Variants in MBD5 observed in about 807,000 individuals in gnomAD.
MBD5 encodes methyl-CpG binding domain protein 5.
A neutral mutation model predicts 117.3 loss-of-function variants in MBD5; 13 were observed. That is an observed-to-expected ratio of 0.11 (90% CI 0.07 to 0.18). The LOEUF is 0.18. MBD5 is among the 10% of genes least tolerant of loss of function. The pLI is 1.00. For missense variants in MBD5, 1,879 were observed against 2,093.8 expected (o/e 0.90, Z 2.00); for synonymous variants, 727 against 766.4 (o/e 0.95, Z 0.85).
At chr2:148,215,531 G>T (rs1699529584) in intron 2 of MBD5, among the ~76,000 whole-genome samples, 1 of 151,888 alleles carries the variant, frequency 6.6e-6, no homozygotes, top group Non-Finnish European at 1.5e-5. Context: ...TGAGTGGGCA[G>T]GTTGTGGGCG....
At chr2:148,415,461 T>C (rs1011370874) in intron 4 of MBD5, among the ~76,000 whole-genome samples, 5 of 152,092 alleles carry the variant, frequency 3.3e-5, no homozygotes, top group Non-Finnish European at 5.9e-5. Context: ...TCATCTTGTA[T>C]AGTGTCTTGC....
intron 4 of MBD5, among the ~76,000 whole-genome samples, chr2:148,452,415 G>A (rs1706755336): frequency 6.6e-6 from 1 of 152,076 alleles, no homozygotes; most frequent in East Asian, 1.9e-4. Flanking sequence ...CAGGAGGATA[G>A]CTTGAGCCCG....
At chr2:148,346,786 A>C (rs980931057) in intron 4 of MBD5, 1 of 151,510 alleles carries the variant, frequency 6.6e-6, no homozygotes, top group Non-Finnish European at 1.5e-5. Flanking sequence ...TGTGTGCTTT[A>C]TTTTTGTTAT....
chr2:148,097,255 C>A (rs1053066234), intron 1 of MBD5, among the ~76,000 whole-genome samples: 1 of 152,130 alleles, frequency 6.6e-6, no homozygotes, highest in African/African-American at 2.4e-5. Context: ...CTTATAAATT[C>A]AAAGTGGTGG....
intron 13 of MBD5, among the ~76,000 whole-genome samples, chr2:148,511,456 G>A (rs1177094407): frequency 6.6e-6 from 1 of 152,250 alleles, no homozygotes; most frequent in Non-Finnish European, 1.5e-5. Context: ...TGGGAGTCAT[G>A]TGCTCTCTCC....
intron 1 of MBD5, among the ~76,000 whole-genome samples, chr2:148,072,571 C>A (rs529444115): frequency 6.6e-6 from 1 of 152,028 alleles, no homozygotes; most frequent in Non-Finnish European, 1.5e-5. Flanking sequence ...TTTGATTCAG[C>A]GGTAAATTGA....
chr2:148,104,217 T>A (rs1353264488), intron 1 of MBD5, among the ~76,000 whole-genome samples: 5 of 152,172 alleles, frequency 3.3e-5, no homozygotes, highest in African/African-American at 1.2e-4. Flanking sequence ...CTGTTTGTTG[T>A]AAGCTGACTG....
chr2:148,091,847 CAGA>C (rs938647372), intron 1 of MBD5, among the ~76,000 whole-genome samples: 6 of 152,064 alleles, frequency 3.9e-5, no homozygotes, highest in South Asian at 2.1e-4. Context: ...TTCTGCACAG[CAGA>C]AGAAGTAATT....
intron 4 of MBD5, among the ~76,000 whole-genome samples, chr2:148,450,781 A>ATTTTG (rs1401996277): frequency 6.6e-6 from 1 of 152,180 alleles, no homozygotes; most frequent in African/African-American, 2.4e-5. Context: ...AGGAACTGCA[A>ATTTTG]TTTTGTGGCA....
At chr2:148,481,378 C>CA (rs1681148339) in intron 8 of MBD5, among the ~76,000 whole-genome samples, 1 of 152,044 alleles carries the variant, frequency 6.6e-6, no homozygotes. Flanking sequence ...ACTATGGAAA[C>CA]ATTTCTGTGT....
At chr2:148,108,419 C>A in intron 1 of MBD5, among the ~76,000 whole-genome samples, 1 of 151,692 alleles carries the variant, frequency 6.6e-6, no homozygotes, top group East Asian at 1.9e-4. Context: ...TAAATGTTTG[C>A]TACTGTTATT....
At chr2:148,136,378 G>T (rs1450002912) in intron 1 of MBD5, among the ~76,000 whole-genome samples, 1 of 152,108 alleles carries the variant, frequency 6.6e-6, no homozygotes, top group Non-Finnish European at 1.5e-5. Flanking sequence ...AAATAGAAAA[G>T]TGAGAAGTTG....
At chr2:148,369,307 T>TC (rs1559042806) in intron 4 of MBD5, among the ~76,000 whole-genome samples, 2 of 151,932 alleles carry the variant, frequency 1.3e-5, no homozygotes, top group South Asian at 2.1e-4. Context: ...GGGTTTTTTT[T>TC]CAATCTATAA....
At chr2:148,512,689 A>G (rs1682254009) in intron 13 of MBD5, among the ~76,000 whole-genome samples, 181 bp from the exon 14 acceptor site, 1 of 152,182 alleles carries the variant, frequency 6.6e-6, no homozygotes, top group South Asian at 2.1e-4. Flanking sequence ...CATTCTCTGT[A>G]GTGACTGTGG....
chr2:148,392,127 A>G (rs1353698350), intron 4 of MBD5, among the ~76,000 whole-genome samples: 4 of 152,194 alleles, frequency 2.6e-5, no homozygotes, highest in Non-Finnish European at 4.4e-5. Flanking sequence ...TTTTCTAATA[A>G]TACAGACAAA....
rs202042259 is a variant in MBD5, at chr2:148,243,130, C to CA, written c.-680+9747dup. Among the ~76,000 whole-genome samples, 978 of 140,094 alleles carry CA rather than the reference C, an allele frequency of 7.0e-3. 13 individuals carry two copies. Among genetic ancestry groups the CA allele is most frequent in the South Asian group, 0.022 (96 of 4,456 alleles). 91.9% of individuals were successfully genotyped at this position (140,094 alleles called of 152,430 possible). A position where few individuals can be genotyped will look rare whatever the true frequency, so the allele number is the denominator to read the frequency against. On this transcript the variant is annotated intron_variant, in intron 3 of 13. Transcript: ENST00000642680. ...GAATTGCTACATATCTTTTTTCCAC[C>CA]AAAAAAAAAAAACTGCTCAGTAACA... is the stretch of plus-strand genomic sequence containing the variant.
At chr2:148,068,852 C>A (rs1450354352) in intron 1 of MBD5, among the ~76,000 whole-genome samples, 2 of 151,980 alleles carry the variant, frequency 1.3e-5, no homozygotes, top group Non-Finnish European at 2.9e-5. Flanking sequence ...TAATTTGATT[C>A]TTTTGTTTAA....
intron 1 of MBD5, among the ~76,000 whole-genome samples, chr2:148,128,165 C>A (rs1044947694): frequency 1.3e-5 from 2 of 152,008 alleles, no homozygotes; most frequent in Non-Finnish European, 2.9e-5. Flanking sequence ...AAAGCTTTCT[C>A]CCATTCTGTA....
chr2:148,354,918 C>T (rs756481495), intron 4 of MBD5, among the ~76,000 whole-genome samples: 28 of 151,948 alleles, frequency 1.8e-4, no homozygotes, highest in Non-Finnish European at 3.4e-4. Context: ...AGTGTCTGTT[C>T]ATATCCTTTG....
Sources: allele counts gnomAD v4.1 joint callset (sites outside exome capture counted in the v4.1 genomes callset), GRCh38; gene constraint gnomAD v4.1.1; transcripts MANE v1.5; gene names NCBI Gene and HGNC (gene_info 2026-07-23, HGNC 2026-07-21).